The following CRTAC1 variants were observed in gnomAD, a reference collection of about 807,000 sequenced individuals.
The protein encoded by CRTAC1 is cartilage acidic protein 1, also known as acidic secreted protein in cartilage.
In CRTAC1, 37 loss-of-function variants were observed where a neutral mutation model predicts 67.8. That is an observed-to-expected ratio of 0.55 (90% CI 0.42 to 0.72). CRTAC1 has a LOEUF of 0.72. Among genes scored for constraint, CRTAC1 ranks in the 30% least tolerant of loss-of-function variants. The pLI is 0.00. For missense variants in CRTAC1, 780 were observed against 931.6 expected (o/e 0.84, Z 2.12); for synonymous variants, 348 against 371.0 (o/e 0.94, Z 0.71).
chr10:97,978,168 G>A (rs866478493), intron 2 of CRTAC1, among the ~76,000 whole-genome samples: 1 of 152,174 alleles, frequency 6.6e-6, no homozygotes, highest in Non-Finnish European at 1.5e-5. Context: ...TGGCCCATGG[G>A]CCAGCAGGAG....
chr10:98,023,843 T>C (rs1420102007), intron 1 of CRTAC1, among the ~76,000 whole-genome samples: 1 of 152,138 alleles, frequency 6.6e-6, no homozygotes, highest in Non-Finnish European at 1.5e-5. Flanking sequence ...CAGGGGAGCC[T>C]CAAGTGACTT....
chr10:97,968,438 G>C (rs1193326115), intron 2 of CRTAC1, among the ~76,000 whole-genome samples: 1 of 152,098 alleles, frequency 6.6e-6, no homozygotes, highest in East Asian at 1.9e-4. Context: ...TAGAGATGGG[G>C]TTTCACCGTG....
chr10:98,019,040 A>T (rs1843062520), intron 1 of CRTAC1, among the ~76,000 whole-genome samples: 1 of 152,112 alleles, frequency 6.6e-6, no homozygotes, highest in Admixed American at 6.5e-5. Flanking sequence ...GGTGCTGCGG[A>T]GGAGGGAGCA....
intron 2 of CRTAC1, among the ~76,000 whole-genome samples, chr10:97,949,276 G>A (rs918981291): frequency 5.9e-5 from 9 of 152,216 alleles, no homozygotes; most frequent in African/African-American, 1.7e-4. Flanking sequence ...CTCAAGGAAT[G>A]TGAGCTGCTG....
intron 2 of CRTAC1, among the ~76,000 whole-genome samples, chr10:97,946,137 C>T (rs765805871): frequency 2.6e-5 from 4 of 152,170 alleles, no homozygotes; most frequent in Non-Finnish European, 5.9e-5. Flanking sequence ...AAGAAGAAGA[C>T]AGGGAGTCAG....
intron 14 of CRTAC1, among the ~76,000 whole-genome samples, chr10:97,877,530 G>A (rs371527670): frequency 2.0e-5 from 3 of 152,058 alleles, no homozygotes; most frequent in Non-Finnish European, 4.4e-5. Context: ...TAGTAGTAGG[G>A]GATCAACACA....
chr10:97,868,835 C>T (rs886963301), intron 14 of CRTAC1: 11 of 152,112 alleles, frequency 7.2e-5, no homozygotes, highest in African/African-American at 2.7e-4. Flanking sequence ...TCAACCCTTC[C>T]ATTTTCAAAT....
intron 14 of CRTAC1, among the ~76,000 whole-genome samples, chr10:97,875,306 G>A (rs183208505): frequency 3.3e-5 from 5 of 152,336 alleles, no homozygotes; most frequent in East Asian, 3.9e-4. Context: ...AGACATGGAT[G>A]TAAAGTTCTT....
intron 11 of CRTAC1, among the ~76,000 whole-genome samples, chr10:97,885,975 G>C (rs1022898061): frequency 6.6e-6 from 1 of 152,236 alleles, no homozygotes; most frequent in Non-Finnish European, 1.5e-5. Context: ...ATCCACCAAT[G>C]AATTTTACAA....
intron 1 of CRTAC1, among the ~76,000 whole-genome samples, chr10:98,020,381 G>C (rs1306675612): frequency 6.6e-6 from 1 of 152,192 alleles, no homozygotes; most frequent in Non-Finnish European, 1.5e-5. Context: ...AATACACATA[G>C]TAAGCCTGTG....
chr10:98,018,295 C>T (rs1046132615), intron 1 of CRTAC1, among the ~76,000 whole-genome samples: 2 of 149,278 alleles, frequency 1.3e-5, no homozygotes, highest in Non-Finnish European at 3.0e-5. Flanking sequence ...AACCCTACCA[C>T]AGCCTAGCTC....
intron 2 of CRTAC1, among the ~76,000 whole-genome samples, chr10:97,939,687 C>T (rs944997130): frequency 1.3e-5 from 2 of 152,076 alleles, no homozygotes; most frequent in Admixed American, 6.5e-5. Context: ...TTGAGGCTGA[C>T]GTTCCTGTTT....
At chr10:97,881,210 A>T (rs571964758) in intron 13 of CRTAC1, among the ~76,000 whole-genome samples, 1 of 152,220 alleles carries the variant, frequency 6.6e-6, no homozygotes, top group East Asian at 1.9e-4. Context: ...CAGACTCCCT[A>T]CAGGGGCCTC....
chr10:97,886,655 T>TG lies in CRTAC1; in HGVS notation c.1487-2305_1487-2304insC, dbSNP rs2050290381. Among the ~76,000 whole-genome samples, 2 of 151,038 alleles carry TG rather than the reference T, an allele frequency of 1.3e-5. 1 individual carries two copies. Among genetic ancestry groups the TG allele is most frequent in the South Asian group, 4.2e-4 (2 of 4,736 alleles). On this transcript the variant is annotated intron_variant, in intron 11 of 14. Coordinates refer to ENST00000370597, the MANE Select transcript of CRTAC1 (RefSeq NM_018058.7). The stretch of plus-strand genomic sequence containing the variant: ...AGATTTTTTTTTCTTTTTTCTTTTT[T>TG]TTTTTTTGAGATAGTATCTCAATCT...
intron 11 of CRTAC1, among the ~76,000 whole-genome samples, chr10:97,891,184 C>T (rs1212755152): frequency 6.6e-6 from 1 of 152,144 alleles, no homozygotes; most frequent in Non-Finnish European, 1.5e-5. Context: ...GAAACATTTA[C>T]TTTTTCCTTA....
intron 4 of CRTAC1, among the ~76,000 whole-genome samples, chr10:97,919,771 CTT>C (rs769852925): frequency 1.2e-4 from 13 of 106,280 alleles, no homozygotes; most frequent in Non-Finnish European, 1.5e-4. Context: ...ACAGTACAGC[CTT>C]TTTTTTTTTT....
chr10:97,917,688 G>A, intron 4 of CRTAC1, 32 bp from the exon 5 acceptor site: 1 of 1,493,886 alleles, frequency 6.7e-7, no homozygotes, highest in Non-Finnish European at 9.0e-7. Flanking sequence ...AGGTGAGCAG[G>A]GCCACCTTGG....
At chr10:97,884,991 GCT>G (rs2050261060) in intron 11 of CRTAC1, among the ~76,000 whole-genome samples, 1 of 152,258 alleles carries the variant, frequency 6.6e-6, no homozygotes, top group Non-Finnish European at 1.5e-5. Context: ...TAAGGGCCAG[GCT>G]CTCTCTTGTC....
intron 14 of CRTAC1, among the ~76,000 whole-genome samples, chr10:97,874,575 C>CCGG (rs2050126059): frequency 6.6e-6 from 1 of 152,108 alleles, no homozygotes; most frequent in Non-Finnish European, 1.5e-5. Flanking sequence ...GCAGGGTGTA[C>CCGG]CGGGAAGCAC....
Sources: allele counts gnomAD v4.1 joint callset (sites outside exome capture counted in the v4.1 genomes callset), GRCh38; gene constraint gnomAD v4.1.1; transcripts MANE v1.5; gene names NCBI Gene and HGNC (gene_info 2026-07-23, HGNC 2026-07-21).